The following SYN2 variants were observed in gnomAD, a reference collection of about 807,000 sequenced individuals.
SYN2 encodes the protein synapsin-2.
A neutral mutation model predicts 50.9 loss-of-function variants in SYN2; 19 were observed. The observed-to-expected ratio is 0.37, with a 90% CI of 0.26 to 0.55. The LOEUF (loss-of-function observed/expected upper bound fraction) is 0.55. Ranked by LOEUF, SYN2 falls within the 20% of genes least tolerant of loss-of-function variation. SYN2 has a pLI of 0.81. For missense variants in SYN2, 587 were observed against 576.4 expected (o/e 1.02, Z -0.19); for synonymous variants, 255 against 224.9 (o/e 1.13, Z -1.20).
In SYN2 at chr3:12,075,674, C is replaced by T. The variant is rs1173112826; in HGVS notation, c.378-64977C>T. On this transcript the variant is annotated intron_variant, in intron 1 of 12. Coordinates refer to ENST00000621198, the MANE Select transcript of SYN2 (RefSeq NM_133625.6). ...ATTCCTCTTCCCTGATAATAAATTC[C>T]TTATATATTAAGAATTACTGGAACA... Among the ~76,000 whole-genome samples the T allele has an allele frequency of 2.0e-5, 3 of 152,036 alleles. No homozygotes were observed. In the East Asian group the frequency reaches 5.8e-4, roughly 29 times the overall value.
chr3:12,058,439 T>C (rs1559403154), intron 1 of SYN2, among the ~76,000 whole-genome samples: 1 of 152,226 alleles, frequency 6.6e-6, no homozygotes, highest in Non-Finnish European at 1.5e-5. Flanking sequence ...TTGTGTGATA[T>C]AAGACAACAG....
At chr3:12,054,770 C>A (rs535605540) in intron 1 of SYN2, among the ~76,000 whole-genome samples, 1 of 151,440 alleles carries the variant, frequency 6.6e-6, no homozygotes, top group Non-Finnish European at 1.5e-5. Context: ...TCTACAGGAA[C>A]ATCTTTTCCA....
intron 1 of SYN2, among the ~76,000 whole-genome samples, chr3:12,119,482 G>C (rs59504240): frequency 0.084 from 12,782 of 152,192 alleles, 682 homozygotes; most frequent in African/African-American, 0.14. Flanking sequence ...AATAAGTGAA[G>C]AGAGAGGCTT....
intron 1 of SYN2, among the ~76,000 whole-genome samples, chr3:12,044,872 C>T (rs2125151280): frequency 6.6e-6 from 1 of 152,252 alleles, no homozygotes; most frequent in South Asian, 2.1e-4. Flanking sequence ...TTGTGTGCTA[C>T]ATACTGTGCT....
At chr3:12,111,162 T>C (rs1276276688) in intron 1 of SYN2, among the ~76,000 whole-genome samples, 1 of 152,174 alleles carries the variant, frequency 6.6e-6, no homozygotes. Context: ...CCTGTGCTGT[T>C]CTCATGATAG....
At chr3:12,169,144 G>C (rs1480499383) in intron 9 of SYN2, among the ~76,000 whole-genome samples, 1 of 152,134 alleles carries the variant, frequency 6.6e-6, no homozygotes, top group East Asian at 1.9e-4. Context: ...TCCTCGCTAG[G>C]TGGGCCTCTG....
Position 12,167,516 on chromosome 3 carries a change from G to A in SYN2, c.1055+208G>A, listed in dbSNP as rs112333463. Reference sequence around the variant, plus strand: ...AGAGTTAAAGACTGCACATACCATAGGTAAAAGCTTCCTGAGGCCTCACCA... The same window carrying A: ...AGAGTTAAAGACTGCACATACCATAAGTAAAAGCTTCCTGAGGCCTCACCA... On this transcript the variant is annotated intron_variant, in intron 8 of 12. Coordinates refer to ENST00000621198, the MANE Select transcript of SYN2 (RefSeq NM_133625.6). Among the ~76,000 whole-genome samples the A allele has an allele frequency of 5.3e-5, 8 of 152,162 alleles. 1 individual carries two copies. The highest frequency in any genetic ancestry group is 1.9e-4 in the African/African-American group (8 of 41,456).
At chr3:12,188,614 T>A (rs75504137) in intron 12 of SYN2, among the ~76,000 whole-genome samples, 28 of 874 alleles carry the variant, frequency 0.032, no homozygotes, top group Admixed American at 0.065. Context: ...CAAAGAAAAA[T>A]TTTTTTTTTT....
chr3:12,184,835 C>CT, intron 11 of SYN2: 5 of 985,800 alleles, frequency 5.1e-6, no homozygotes, highest in Non-Finnish European at 6.0e-6. Flanking sequence ...GCAGCCGCCT[C>CT]TAACAAACAC....
chr3:12,170,695 T>A (rs1697918094), intron 10 of SYN2, among the ~76,000 whole-genome samples: 1 of 152,272 alleles, frequency 6.6e-6, no homozygotes, highest in African/African-American at 2.4e-5. Context: ...GTCTAGCTCT[T>A]CCTCTAAATA....
intron 1 of SYN2, among the ~76,000 whole-genome samples, chr3:12,114,197 G>A (rs80235264): frequency 6.6e-6 from 1 of 151,552 alleles, no homozygotes; most frequent in Non-Finnish European, 1.5e-5. Context: ...CCTTAATGAC[G>A]AATGATGTTG....
In SYN2 at chr3:12,191,140, A is replaced by G; in HGVS notation, c.*515A>G. 1.0e-6 allele frequency: 1 copy of G among 985,516 alleles called. No individual in the cohort carries two copies. The highest frequency in any genetic ancestry group is 1.2e-6 in the Non-Finnish European group (1 of 830,034). The allele number at this position is 985,516 out of a possible 1,614,324, so 61.0% of individuals were successfully genotyped here. The stretch of plus-strand genomic sequence containing the variant: ...TCATACCTGTGTTACTGTTTAAAGC[A>G]CACCCACCCAACTTACAAGATCTTA... On this transcript the variant is annotated 3_prime_UTR_variant, in exon 13 of 13. Transcript: ENST00000621198.
At chr3:12,097,682 G>A (rs867335073) in intron 1 of SYN2, among the ~76,000 whole-genome samples, 2 of 151,870 alleles carry the variant, frequency 1.3e-5, no homozygotes, top group Admixed American at 6.6e-5. Flanking sequence ...CCATAAAAAA[G>A]GATGAGTTCA....
rs1220748394 is a variant in SYN2, at chr3:12,185,269, T to C, written c.1369+1897T>C. The stretch of plus-strand genomic sequence containing the variant: ...AATGGAGGAATACATTATTTTATCG[T>C]ATATTTTTGTCCAAGCGATGAGCTG... On this transcript the variant is annotated intron_variant, in intron 11 of 12. Transcript: ENST00000621198. 4.1e-6 allele frequency: 4 copies of C among 985,634 alleles called. No individual in the cohort carries two copies. The African/African-American group carries it at 7.0e-5, about 17-fold the overall frequency. The allele number at this position is 985,634 out of a possible 1,614,324, so 61.1% of individuals were successfully genotyped here. A position where few individuals can be genotyped will look rare whatever the true frequency, so the allele number is the denominator to read the frequency against.
At chr3:12,120,458 A>T (rs933421129) in intron 1 of SYN2, among the ~76,000 whole-genome samples, 4 of 152,082 alleles carry the variant, frequency 2.6e-5, no homozygotes, top group Non-Finnish European at 5.9e-5. Context: ...GGCTTGCCTT[A>T]GCCTTTGTTC....
At chr3:12,081,092 G>C (rs995406676) in intron 1 of SYN2, among the ~76,000 whole-genome samples, 1 of 152,144 alleles carries the variant, frequency 6.6e-6, no homozygotes, top group African/African-American at 2.4e-5. Context: ...TTTAAAGACA[G>C]TAAACAACAA....
chr3:12,115,547 T>C (rs982801261), intron 1 of SYN2, among the ~76,000 whole-genome samples: 2 of 152,194 alleles, frequency 1.3e-5, no homozygotes, highest in Admixed American at 1.3e-4. Context: ...TTCAGGTTTC[T>C]CCTTTAAACT....
chr3:12,125,180 A>C (rs1341257514), intron 1 of SYN2, among the ~76,000 whole-genome samples: 1 of 151,868 alleles, frequency 6.6e-6, no homozygotes, highest in Non-Finnish European at 1.5e-5. Context: ...ATGCTTGGCT[A>C]ATTTTTTGTA....
intron 1 of SYN2, among the ~76,000 whole-genome samples, chr3:12,066,182 T>C (rs959714660): frequency 3.3e-5 from 5 of 152,154 alleles, no homozygotes; most frequent in African/African-American, 4.8e-5. Context: ...AGTATGCACT[T>C]CAGTTAATAA....
Sources: allele counts gnomAD v4.1 joint callset (sites outside exome capture counted in the v4.1 genomes callset), GRCh38; gene constraint gnomAD v4.1.1; transcripts MANE v1.5; gene names NCBI Gene and HGNC (gene_info 2026-07-23, HGNC 2026-07-21).